Variants in EIF4A1 observed in about 807,000 individuals in gnomAD.
The protein encoded by EIF4A1 is eukaryotic translation initiation factor 4A1, also known as eukaryotic initiation factor 4A-I.
In EIF4A1, 11 loss-of-function variants were observed where a neutral mutation model predicts 53.5. The observed-to-expected ratio is 0.21, with a 90% CI of 0.13 to 0.34. The LOEUF is 0.34. Among genes scored for constraint, EIF4A1 ranks in the 10% least tolerant of loss-of-function variants. The pLI is 1.00. For missense variants in EIF4A1, 213 were observed against 530.8 expected (o/e 0.40, Z 5.88); for synonymous variants, 237 against 186.7 (o/e 1.27, Z -2.20).
intron 3 of EIF4A1, 103 bp downstream of exon 3, chr17:7,574,781 A>G: frequency 6.4e-7 from 1 of 1,572,156 alleles, no homozygotes; most frequent in Non-Finnish European, 8.7e-7. Context: ...GGACAAAGCA[A>G]CTCCTTGTTC....
chr17:7,573,018 C>T (rs1348312385), intron 1 of EIF4A1, among the ~76,000 whole-genome samples, 154 bp downstream of exon 1: 2 of 152,140 alleles, frequency 1.3e-5, no homozygotes, highest in Admixed American at 6.5e-5. Flanking sequence ...GGGGAAGACC[C>T]ACGGCCGACG....
intron 1 of EIF4A1, chr17:7,573,373 C>A (rs936684658): frequency 5.2e-6 from 1 of 190,920 alleles, no homozygotes; most frequent in African/African-American, 2.4e-5. Context: ...ACCGGCCGTT[C>A]AGTGTGCTGG....
rs981599944 is a variant in EIF4A1 at position 7,574,522 on chromosome 17, C to T, written c.73-24C>T. The T allele has an allele frequency of 5.0e-6, 8 of 1,613,020 alleles. No individual in the cohort carries two copies. In the African/African-American group the frequency reaches 8.0e-5, roughly 16 times the overall value. On this transcript the variant is annotated intron_variant, in intron 2 of 10. Coordinates refer to ENST00000293831, the MANE Select transcript of EIF4A1 (RefSeq NM_001416.4). ...AGCTCCACCTTTTCCATGACTCAAG[C>T]TTTAATTTCTTTGCATCCCCTAGAG...
chr17:7,572,867 A>G lies in EIF4A1; in HGVS notation c.23+3A>G, dbSNP rs764388168. 6.2e-6 allele frequency: 10 copies of G among 1,614,026 alleles called. No individual in the cohort carries two copies. In the African/African-American group the frequency reaches 6.7e-5, roughly 11 times the overall value. The stretch of plus-strand genomic sequence containing the variant: ...ATGTCTGCGAGCCAGGATTCCCGGT[A>G]AGAAAGGCATTTGCAAGAGATTGTG... On this transcript the variant is annotated splice_donor_region_variant and intron_variant, in intron 1 of 10. Coordinates refer to ENST00000293831, the MANE Select transcript of EIF4A1 (RefSeq NM_001416.4).
rs376984338 is a variant in EIF4A1 at position 7,574,169 on chromosome 17, T to C, written c.24-91T>C. 67 of 1,466,358 alleles carry C rather than the reference T, an allele frequency of 4.6e-5. 1 individual carries two copies. In the Middle Eastern group the frequency reaches 7.1e-4, roughly 16 times the overall value. The allele number at this position is 1,466,358 out of a possible 1,614,324, so 90.8% of individuals were successfully genotyped here. On this transcript the variant is annotated intron_variant, in intron 1 of 10. Coordinates refer to ENST00000293831, the MANE Select transcript of EIF4A1 (RefSeq NM_001416.4). ...GATCTGGGACAGCAGATTGATGGCA[T>C]CATGCAGGCCACTCCTGACAGAGCC...
Position 7,574,596 on chromosome 17 carries a change from G to A in EIF4A1, c.123G>A (p.Glu41=), listed in dbSNP as rs775957140. 21 of 1,612,136 alleles carry A rather than the reference G, an allele frequency of 1.3e-5. No individual in the cohort carries two copies. Among genetic ancestry groups the A allele is most frequent in the Non-Finnish European group, 1.4e-5 (17 of 1,180,022 alleles). ...VDSFDDMNLS[E]SLLRGIYAYG... ...GCTTTGATGACATGAACCTCTCGGAGTCCCTTCTCCGTGGCATCTACGCGT... is the reference window on the plus strand; with the variant it reads ...GCTTTGATGACATGAACCTCTCGGAATCCCTTCTCCGTGGCATCTACGCGT... Residue 41 remains glutamate, a synonymous_variant, in exon 3 of 11, where the codon GAG becomes GAA. Coordinates refer to ENST00000293831, the MANE Select transcript of EIF4A1 (RefSeq NM_001416.4).
chr17:7,576,519 C>A lies in EIF4A1; in HGVS notation c.346-5C>A. 6.4e-7 allele frequency: 1 copy of A among 1,571,004 alleles called. No homozygotes were observed. Among genetic ancestry groups the A allele is most frequent in the Non-Finnish European group, 8.6e-7 (1 of 1,157,072 alleles). On this transcript the variant is annotated splice_polypyrimidine_tract_variant and splice_region_variant and intron_variant, in intron 4 of 10. Transcript: ENST00000293831. Reference sequence around the variant, plus strand: ...ACATATGAGCACCTGCCTCTCTCTGCTCAGATACAGAAGGTGGTCATGGCA... The same window carrying A: ...ACATATGAGCACCTGCCTCTCTCTGATCAGATACAGAAGGTGGTCATGGCA...
intron 1 of EIF4A1, chr17:7,573,112 C>T (rs1055188977): frequency 1.8e-5 from 11 of 616,970 alleles, no homozygotes; most frequent in Non-Finnish European, 2.8e-5. Context: ...CGACCCGAGG[C>T]GGTGCCATGC....
intron 3 of EIF4A1, 182 bp downstream of exon 3, chr17:7,574,860 G>A: frequency 8.6e-7 from 1 of 1,163,474 alleles, no homozygotes; most frequent in Non-Finnish European, 1.3e-6. Flanking sequence ...TTCCTTTAAA[G>A]AGGTGGTATT....
At position 7,575,285 on chromosome 17, in the gene EIF4A1, C is replaced by G. The variant is rs751149806; in HGVS notation, c.345+27C>G. 4 of 1,613,094 alleles carry G rather than the reference C, an allele frequency of 2.5e-6. No homozygotes were observed. In the African/African-American group the frequency reaches 5.3e-5, roughly 22 times the overall value. ...TAAGAGTGGCTTCTATTCCCTCCTT[C>G]AGGGCTGATTTAGGGATGATGAGTA... On this transcript the variant is annotated intron_variant, in intron 4 of 10. Coordinates refer to ENST00000293831, the MANE Select transcript of EIF4A1 (RefSeq NM_001416.4).
intron 1 of EIF4A1, 32 bp downstream of exon 1, chr17:7,572,896 G>T (rs775590578): frequency 6.2e-7 from 1 of 1,614,040 alleles, no homozygotes; most frequent in South Asian, 1.1e-5. Context: ...GATTGTGGCT[G>T]CTTATTTTGC....
At position 7,577,328 on chromosome 17, in the gene EIF4A1, C is replaced by T. The variant is rs761019570; in HGVS notation, c.625-16C>T. 2.4e-5 allele frequency: 38 copies of T among 1,613,596 alleles called. No homozygotes were observed. Among genetic ancestry groups the T allele is most frequent in the Non-Finnish European group, 3.1e-5 (37 of 1,179,882 alleles). On this transcript the variant is annotated splice_polypyrimidine_tract_variant and intron_variant, in intron 6 of 10. Transcript: ENST00000293831. The surrounding 1 kb of genome is among the most constrained non-coding windows in gnomAD (Gnocchi z 4.7). ...GAAGGAACCAGCACTCTAAGACTGGCCTTTTTTTCCACTAGGTAGTTTTGC... is the reference window on the plus strand; with the variant it reads ...GAAGGAACCAGCACTCTAAGACTGGTCTTTTTTTCCACTAGGTAGTTTTGC...
intron 5 of EIF4A1, 57 bp downstream of exon 5, chr17:7,576,749 A>C: frequency 6.4e-7 from 1 of 1,565,644 alleles, no homozygotes; most frequent in Non-Finnish European, 8.7e-7. Context: ...CACGCTTTCC[A>C]GTCTTTCAGC....
rs1054004272 is a variant in EIF4A1 at position 7,578,719 on chromosome 17, C to G, written c.*233C>G. 5.4e-6 allele frequency: 2 copies of G among 369,094 alleles called. No homozygotes were observed. The highest frequency in any genetic ancestry group is 2.1e-5 in the African/African-American group (1 of 46,680). The allele number at this position is 369,094 out of a possible 1,614,324, so 22.9% of individuals were successfully genotyped here. On this transcript the variant is annotated 3_prime_UTR_variant, in exon 11 of 11. Coordinates refer to ENST00000293831, the MANE Select transcript of EIF4A1 (RefSeq NM_001416.4). ...TTCTCCCAAAAAAAAAAAAAAAACA[C>G]TAATCCATTTCCCTAACCTAGTAAC...
intron 4 of EIF4A1, chr17:7,575,661 T>C (rs2071390722): frequency 3.0e-6 from 1 of 332,266 alleles, no homozygotes; most frequent in Non-Finnish European, 5.9e-6. Flanking sequence ...TGCTGGACTT[T>C]TTCCTGGGTC....
chr17:7,578,653 C>A lies in EIF4A1; in HGVS notation c.*167C>A. ...GAAGGAACCGTGAACATTTTAGACA[C>A]CCTTTTCTTTGGGGTAGGCTCTTGC... On this transcript the variant is annotated 3_prime_UTR_variant, in exon 11 of 11. Transcript: ENST00000293831. The A allele has an allele frequency of 1.3e-6, 1 of 771,956 alleles. No homozygotes were observed. Among genetic ancestry groups the A allele is most frequent in the Non-Finnish European group, 1.8e-6 (1 of 543,662 alleles). 47.8% of individuals were successfully genotyped at this position (771,956 alleles called of 1,614,324 possible).
At chr17:7,576,765 C>A in intron 5 of EIF4A1, 73 bp downstream of exon 5, 1 of 1,558,314 alleles carries the variant, frequency 6.4e-7, no homozygotes, top group Non-Finnish European at 8.7e-7. Flanking sequence ...TCAGCGTAAG[C>A]CAGAGTCATT....
chr17:7,572,853 C>G lies in EIF4A1; in HGVS notation c.12C>G (p.Ser4Arg). 2.5e-6 allele frequency: 4 copies of G among 1,614,170 alleles called. No homozygotes were observed. The highest frequency in any genetic ancestry group is 2.5e-6 in the Non-Finnish European group (3 of 1,179,988). ...AGTTTCTAAGGATCATGTCTGCGAG[C>G]CAGGATTCCCGGTAAGAAAGGCATT... MSA[S>R]QDSRSRDNGP... The change falls in exon 1 of 11, where the codon AGC becomes AGG. Residue 4 changes from serine (S) to arginine (R), a missense_variant. Transcript: ENST00000293831.
Position 7,577,064 on chromosome 17 carries a change from T to A in EIF4A1, c.523T>A (p.Tyr175Asn), listed in dbSNP as rs1301237658. 1.2e-6 allele frequency: 2 copies of A among 1,613,930 alleles called. No homozygotes were observed. Among genetic ancestry groups the A allele is most frequent in the Non-Finnish European group, 1.7e-6 (2 of 1,180,002 alleles). The change falls in exon 6 of 11, where the codon TAC (tyrosine) becomes AAC (asparagine). Residue 175 changes from tyrosine to asparagine, a missense_variant. Transcript: ENST00000293831. This position sits in a 1 kb window ranked among gnomAD's most constrained non-coding sequence, Gnocchi z 4.7. ...MLNRRYLSPK[Y>N]IKMFVLDEAD... is the part of the protein sequence containing the mutation. ...TTTTTTTTCTTCTCTAGCCCCCAAATACATCAAGATGTTTGTACTGGATGA... is the reference window on the plus strand; with the variant it reads ...TTTTTTTTCTTCTCTAGCCCCCAAAAACATCAAGATGTTTGTACTGGATGA...
Sources: gnomAD v4.1 joint callset for allele counts (sites outside exome capture counted in the v4.1 genomes callset) on GRCh38, gnomAD v4.1.1 for gene constraint, Gnocchi (gnomAD v3.1) non-coding constraint, MANE v1.5 for transcripts, NCBI Gene and HGNC (gene_info 2026-07-23, HGNC 2026-07-21) for gene names.